Variants in KSR2 observed in about 807,000 individuals in gnomAD.
KSR2 encodes kinase suppressor of ras 2.
A neutral mutation model predicts 107.8 loss-of-function variants in KSR2; 25 were observed. The observed-to-expected ratio is 0.23, with a 90% CI of 0.17 to 0.32. KSR2 has a LOEUF of 0.32. KSR2 is among the 10% of genes least tolerant of loss of function. The probability of loss-of-function intolerance (pLI) is 1.00; values close to 1 mark genes in which losing one functional copy is unlikely to be tolerated. For synonymous variants in KSR2, 480 were observed against 507.0 expected, an observed-to-expected ratio of 0.95 and a Z score of 0.71; for missense variants, 887 against 1,268.9, an observed-to-expected ratio of 0.70 and a Z score of 4.57.
In KSR2 at chr12:117,551,726, A is replaced by T. The variant is rs532601461; in HGVS notation, c.1518+3443T>A. Among the ~76,000 whole-genome samples, 7 of 152,346 alleles carry T rather than the reference A, an allele frequency of 4.6e-5. 1 individual carries two copies. Among genetic ancestry groups the T allele is most frequent in the African/African-American group, 1.7e-4 (7 of 41,580 alleles). On this transcript the variant is annotated intron_variant, in intron 9 of 19. Coordinates refer to ENST00000339824, the MANE Select transcript of KSR2 (RefSeq NM_173598.6). ...AACCACATCATTGCCTGACAAGAAG[A>T]ATCTGTGTGAAGCCAGCGAGAAGGG... is the stretch of plus-strand genomic sequence containing the variant.
chr12:117,555,802 A>G (rs1272999859), intron 8 of KSR2, among the ~76,000 whole-genome samples: 3 of 152,232 alleles, frequency 2.0e-5, no homozygotes, highest in Admixed American at 2.0e-4. Context: ...AGCTAGGCAC[A>G]TAGTAGATGC....
rs77270892 is a variant in KSR2, at chr12:117,634,046, G to A, written c.1171+33428C>T. On this transcript the variant is annotated intron_variant, in intron 5 of 19. Coordinates refer to ENST00000339824, the MANE Select transcript of KSR2 (RefSeq NM_173598.6). ...TGGCAATCAGTCCATAAAGGCGGAC[G>A]CTGTGTCTGTCTTACATACCCAGAG... Among the ~76,000 whole-genome samples, 512 of 152,284 alleles carry A rather than the reference G, an allele frequency of 3.4e-3. 3 individuals are homozygous for A. Among genetic ancestry groups the A allele is most frequent in the Middle Eastern group, 0.014 (4 of 294 alleles).
chr12:117,595,364 T>C (rs1436104271), intron 5 of KSR2, among the ~76,000 whole-genome samples: 5 of 137,554 alleles, frequency 3.6e-5, no homozygotes, highest in Non-Finnish European at 7.7e-5. Context: ...TTTTTTTTTT[T>C]TTTTTTTTTT....
intron 1 of KSR2, among the ~76,000 whole-genome samples, chr12:117,952,176 C>CAT (rs1286754880): frequency 3.3e-5 from 5 of 151,406 alleles, no homozygotes; most frequent in African/African-American, 1.2e-4. Context: ...CACACACACA[C>CAT]ACACACACAT....
At chr12:117,806,836 A>G (rs995619213) in intron 3 of KSR2, among the ~76,000 whole-genome samples, 3 of 152,130 alleles carry the variant, frequency 2.0e-5, no homozygotes, top group Non-Finnish European at 4.4e-5. Context: ...GCATGCACGC[A>G]TATCTCATTT....
intron 3 of KSR2, among the ~76,000 whole-genome samples, chr12:117,791,921 C>A (rs1890265285): frequency 6.6e-6 from 1 of 152,150 alleles, no homozygotes; most frequent in African/African-American, 2.4e-5. Flanking sequence ...TCTCTACTCC[C>A]AAAAAACAGA....
At chr12:117,845,129 G>C (rs1892652791) in intron 3 of KSR2, among the ~76,000 whole-genome samples, 1 of 152,180 alleles carries the variant, frequency 6.6e-6, no homozygotes, top group Admixed American at 6.5e-5. Flanking sequence ...CTGGGCGACA[G>C]AGCGAGACTC....
intron 12 of KSR2, among the ~76,000 whole-genome samples, chr12:117,527,893 A>G (rs543205603): frequency 9.9e-5 from 15 of 152,016 alleles, no homozygotes; most frequent in Non-Finnish European, 1.3e-4. Context: ...TGCCAATCAC[A>G]TGGAATTAGG....
chr12:117,862,816 G>A (rs1304325323), intron 1 of KSR2, among the ~76,000 whole-genome samples: 3 of 145,158 alleles, frequency 2.1e-5, no homozygotes, highest in Admixed American at 1.4e-4. Flanking sequence ...TGCAAGTTCC[G>A]CCTCCTGGGT....
intron 7 of KSR2, among the ~76,000 whole-genome samples, chr12:117,571,313 G>A (rs1475464303): frequency 6.6e-6 from 1 of 152,110 alleles, no homozygotes; most frequent in Non-Finnish European, 1.5e-5. Flanking sequence ...TGGGAGTAGG[G>A]AGAAGCCAGG....
At chr12:117,691,995 C>A (rs1019004940) in intron 4 of KSR2, among the ~76,000 whole-genome samples, 1 of 152,200 alleles carries the variant, frequency 6.6e-6, no homozygotes, top group Admixed American at 6.5e-5. Context: ...CCAGACCTGG[C>A]TGGCAACAAG....
At chr12:117,788,823 A>G (rs1374167081) in intron 3 of KSR2, among the ~76,000 whole-genome samples, 1 of 152,156 alleles carries the variant, frequency 6.6e-6, no homozygotes, top group Non-Finnish European at 1.5e-5. Context: ...TCCAGAACAC[A>G]TTTCAAATGA....
chr12:117,497,242 C>T (rs1457869247), intron 14 of KSR2, among the ~76,000 whole-genome samples: 1 of 152,026 alleles, frequency 6.6e-6, no homozygotes, highest in Non-Finnish European at 1.5e-5. Flanking sequence ...TGACTCTTTG[C>T]TCGAATGAGC....
chr12:117,629,767 G>T (rs1882720526), intron 5 of KSR2, among the ~76,000 whole-genome samples: 1 of 152,194 alleles, frequency 6.6e-6, no homozygotes, highest in African/African-American at 2.4e-5. Flanking sequence ...AATTGATAGT[G>T]AAGAATATAA....
chr12:117,711,794 G>T (rs1424892944), intron 4 of KSR2, among the ~76,000 whole-genome samples: 1 of 152,164 alleles, frequency 6.6e-6, no homozygotes, highest in Non-Finnish European at 1.5e-5. Context: ...TTAGCTCTCT[G>T]CTATAATATA....
chr12:117,747,741 A>C (rs564170651), intron 4 of KSR2, among the ~76,000 whole-genome samples: 9 of 152,300 alleles, frequency 5.9e-5, no homozygotes, highest in African/African-American at 1.9e-4. Context: ...GCAAATTAAA[A>C]CCACAATGAG....
In KSR2 at chr12:117,799,353, T is replaced by C. The variant is rs189368166; in HGVS notation, c.473-37829A>G. 2.7e-3 allele frequency among the ~76,000 whole-genome samples: 406 copies of C among 152,062 alleles called. 1 individual carries two copies. Among genetic ancestry groups the C allele is most frequent in the African/African-American group, 9.4e-3 (389 of 41,484 alleles). ...CCCGTCTCTACTAAAAACACAAAAA[T>C]TAGCTGGGCGTGGTGGCACGCACCT... On this transcript the variant is annotated intron_variant, in intron 3 of 19. Transcript: ENST00000339824.
At chr12:117,472,288 T>A (rs1205771832) in intron 17 of KSR2, among the ~76,000 whole-genome samples, 5 of 152,150 alleles carry the variant, frequency 3.3e-5, no homozygotes, top group South Asian at 2.1e-4. Context: ...TTGTAATTAA[T>A]GGAGAGAGGA....
intron 16 of KSR2, 28 bp from the exon 17 acceptor site, chr12:117,476,623 C>T: frequency 6.3e-7 from 1 of 1,598,592 alleles, no homozygotes; most frequent in Non-Finnish European, 8.5e-7. Flanking sequence ...AGGATGAGCT[C>T]TGTTTCATAG....
Sources: gnomAD v4.1 joint callset for allele counts (sites outside exome capture counted in the v4.1 genomes callset) on GRCh38, gnomAD v4.1.1 for gene constraint, MANE v1.5 for transcripts, NCBI Gene and HGNC (gene_info 2026-07-23, HGNC 2026-07-21) for gene names.